ARHGAP21: variants seen among roughly 807,000 people sequenced by gnomAD.
The protein encoded by ARHGAP21 is Rho GTPase activating protein 21, also known as rho GTPase-activating protein 21.
In ARHGAP21, 38 loss-of-function variants were observed where a neutral mutation model predicts 164.6. The observed-to-expected ratio is 0.23, with a 90% CI of 0.18 to 0.30. The LOEUF is 0.30. Among genes scored for constraint, ARHGAP21 ranks in the 10% least tolerant of loss-of-function variants. The pLI, the probability that ARHGAP21 is intolerant of heterozygous loss-of-function variation, is 1.00. For missense variants in ARHGAP21, 1,822 were observed against 2,370.7 expected, an observed-to-expected ratio of 0.77 and a Z score of 4.81; for synonymous variants, 766 against 857.9, an observed-to-expected ratio of 0.89 and a Z score of 1.87.
intron 21 of ARHGAP21, among the ~76,000 whole-genome samples, chr10:24,593,666 AAGACCTATGCTAAAGATTAATTC>A (rs2076441617): frequency 6.6e-6 from 1 of 152,130 alleles, no homozygotes; most frequent in African/African-American, 2.4e-5. Context: ...TTCTTCAGTA[AAGACCTATGCTAAAGATTAATTC>A]AGTACTTTCT....
chr10:24,644,464 C>T (rs1452463139), intron 4 of ARHGAP21, among the ~76,000 whole-genome samples: 2 of 152,150 alleles, frequency 1.3e-5, no homozygotes, highest in Non-Finnish European at 2.9e-5. Context: ...GACCTTGTCA[C>T]GGTTTGCTGC....
At chr10:24,655,720 G>A (rs998863667) in intron 4 of ARHGAP21, among the ~76,000 whole-genome samples, 1 of 138,638 alleles carries the variant, frequency 7.2e-6, no homozygotes, top group Non-Finnish European at 1.6e-5. Context: ...GCCCAGTCTG[G>A]AAAGTGAGGA....
In ARHGAP21 at chr10:24,692,845, A is replaced by T. The variant is rs12572798; in HGVS notation, c.64-22448T>A. ...CTCTGTCTCAAAAAATAAAAAAAAT[A>T]AAAAAATTAAAAAAAAAAAGAGTAG... On this transcript the variant is annotated intron_variant, in intron 2 of 25. Coordinates refer to ENST00000396432, the MANE Select transcript of ARHGAP21 (RefSeq NM_020824.4). Among the ~76,000 whole-genome samples the T allele has an allele frequency of 5.2e-3, 700 of 134,852 alleles. 7 individuals are homozygous for T. The highest frequency in any genetic ancestry group is 0.04 in the East Asian group (208 of 5,170). 88.5% of individuals were successfully genotyped at this position (134,852 alleles called of 152,430 possible).
At chr10:24,720,268 A>AT (rs1845797532) in intron 2 of ARHGAP21, among the ~76,000 whole-genome samples, 1 of 151,980 alleles carries the variant, frequency 6.6e-6, no homozygotes, top group African/African-American at 2.4e-5. Flanking sequence ...AAAAAAAAAA[A>AT]AAATCAAATA....
At chr10:24,689,012 T>C (rs996266457) in intron 2 of ARHGAP21, among the ~76,000 whole-genome samples, 2 of 152,248 alleles carry the variant, frequency 1.3e-5, no homozygotes, top group Admixed American at 6.5e-5. Context: ...AGGGCGTTTG[T>C]ACAGAAACCT....
intron 7 of ARHGAP21, chr10:24,628,982 ATTTTTTTT>A (rs1166249007): frequency 4.3e-4 from 5 of 11,630 alleles, no homozygotes; most frequent in African/African-American, 7.0e-4. Context: ...ATATATATAT[ATTTTTTTT>A]TTTTTTTTTT....
intron 11 of ARHGAP21, 45 bp downstream of exon 11, chr10:24,607,454 A>G: frequency 6.6e-7 from 1 of 1,519,246 alleles, no homozygotes; most frequent in Non-Finnish European, 9.1e-7. Context: ...CATGCTGAAC[A>G]CCCACCCACA....
At chr10:24,711,809 G>T (rs982829829) in intron 2 of ARHGAP21, among the ~76,000 whole-genome samples, 1 of 152,180 alleles carries the variant, frequency 6.6e-6, no homozygotes, top group Non-Finnish European at 1.5e-5. Flanking sequence ...CCAAACAGAA[G>T]AAACCCCAGT....
At chr10:24,601,642 C>T (rs1346923582) in intron 13 of ARHGAP21, among the ~76,000 whole-genome samples, 2 of 151,962 alleles carry the variant, frequency 1.3e-5, no homozygotes, top group Admixed American at 6.6e-5. Context: ...ACTGATTTGC[C>T]ACTTCCTAAA....
At chr10:24,666,958 A>C (rs1840256206) in intron 4 of ARHGAP21, 27 bp downstream of exon 4, 1 of 1,415,488 alleles carries the variant, frequency 7.1e-7, no homozygotes, top group Admixed American at 2.3e-5. Context: ...AAACATTCAG[A>C]GATAAATTAA....
At chr10:24,645,003 T>G (rs73606533) in intron 4 of ARHGAP21, among the ~76,000 whole-genome samples, 4,546 of 152,230 alleles carry the variant, frequency 0.03, 205 homozygotes, top group African/African-American at 0.097. Flanking sequence ...GAAGGAGAGA[T>G]ATATTTCACT....
intron 16 of ARHGAP21, 66 bp from the exon 17 acceptor site, chr10:24,596,948 TA>T: frequency 6.7e-7 from 1 of 1,501,970 alleles, no homozygotes; most frequent in Non-Finnish European, 8.9e-7. Flanking sequence ...ATCATGACTT[TA>T]AAAACACTTT....
At chr10:24,610,228 T>C (rs1394602944) in intron 9 of ARHGAP21, among the ~76,000 whole-genome samples, 2 of 152,012 alleles carry the variant, frequency 1.3e-5, no homozygotes, top group Non-Finnish European at 2.9e-5. Context: ...AATACAAAAA[T>C]TAGCTGGGCA....
rs2076084745 is a variant in ARHGAP21 at position 24,585,935 on chromosome 10, T to A, written c.4354A>T (p.Asn1452Tyr). The change falls in exon 26 of 26, where the codon AAT (asparagine) becomes TAT (tyrosine). Residue 1452 changes from asparagine to tyrosine, a missense_variant. Asn to Tyr is a moderately radical substitution (Grantham distance 143). Coordinates refer to ENST00000396432, the MANE Select transcript of ARHGAP21 (RefSeq NM_020824.4). ...TTTTTGGACTCCTCTTTAGTATCATTGTGACACTGTTCCACATTTTCTTTC... is the reference window on the plus strand; with the variant it reads ...TTTTTGGACTCCTCTTTAGTATCATAGTGACACTGTTCCACATTTTCTTTC... Reference protein sequence around the residue: ...FKKENVEQCHNDTKEESKKES... With the variant: ...FKKENVEQCHYDTKEESKKES... 1 of 1,614,184 alleles carries A rather than the reference T, an allele frequency of 6.2e-7. No individual in the cohort carries two copies.
intron 4 of ARHGAP21, among the ~76,000 whole-genome samples, chr10:24,658,985 G>T (rs1292336714): frequency 6.6e-6 from 1 of 152,178 alleles, no homozygotes; most frequent in East Asian, 1.9e-4. Context: ...ACCACAGTGA[G>T]ATACCACTTC....
intron 2 of ARHGAP21, among the ~76,000 whole-genome samples, chr10:24,711,146 G>C (rs1216595348): frequency 1.4e-5 from 2 of 140,498 alleles, no homozygotes; most frequent in African/African-American, 5.2e-5. Flanking sequence ...AGGAGGGAGG[G>C]AGGGTGGGAG....
chr10:24,703,004 TA>T (rs1307877901), intron 2 of ARHGAP21, among the ~76,000 whole-genome samples: 1 of 152,198 alleles, frequency 6.6e-6, no homozygotes, highest in African/African-American at 2.4e-5. Flanking sequence ...ATACATAGTT[TA>T]TATTATAGTG....
intron 2 of ARHGAP21, among the ~76,000 whole-genome samples, chr10:24,684,041 C>T (rs1050194277): frequency 4.6e-4 from 70 of 152,306 alleles, no homozygotes; most frequent in Non-Finnish European, 7.4e-5. Flanking sequence ...AATCCCAGCA[C>T]ATTGGGAGGC....
chr10:24,691,921 T>G (rs911231579), intron 2 of ARHGAP21, among the ~76,000 whole-genome samples: 1 of 152,252 alleles, frequency 6.6e-6, no homozygotes, highest in Non-Finnish European at 1.5e-5. Context: ...TCAAGTATTA[T>G]GAAGTGCATA....
Sources: gnomAD v4.1 joint callset for allele counts (sites outside exome capture counted in the v4.1 genomes callset) on GRCh38, gnomAD v4.1.1 for gene constraint, MANE v1.5 for transcripts, NCBI Gene and HGNC (gene_info 2026-07-23, HGNC 2026-07-21) for gene names.